Variants in GRM8 observed in about 807,000 individuals in gnomAD.
The protein encoded by GRM8 is glutamate metabotropic receptor 8.
In GRM8, 47 loss-of-function variants were observed where a neutral mutation model predicts 87.2. The ratio of observed to expected loss-of-function variants is 0.54; its 90% CI spans 0.43 to 0.69. The LOEUF is 0.69. Ranked by LOEUF, GRM8 falls within the 30% of genes least tolerant of loss-of-function variation. The pLI is 0.00. For missense variants in GRM8, 1,019 were observed against 1,139.2 expected (o/e 0.89, Z 1.52); for synonymous variants, 396 against 404.5 (o/e 0.98, Z 0.25).
intron 9 of GRM8, among the ~76,000 whole-genome samples, chr7:126,502,503 G>A (rs144605821): frequency 6.6e-6 from 1 of 152,168 alleles, no homozygotes; most frequent in East Asian, 1.9e-4. Context: ...AGAAAAATAT[G>A]AATATTTGCA....
chr7:127,121,636 G>A (rs1364568083), intron 2 of GRM8, among the ~76,000 whole-genome samples: 1 of 152,142 alleles, frequency 6.6e-6, no homozygotes, highest in Non-Finnish European at 1.5e-5. Context: ...GGATGGCTGG[G>A]AGGCCTCAGG....
chr7:126,788,420 A>AAAAAAAAAAAAAAC, intron 6 of GRM8, among the ~76,000 whole-genome samples: 7 of 81,132 alleles, frequency 8.6e-5, no homozygotes, highest in African/African-American at 3.2e-4. Flanking sequence ...AAAAAAAAAA[A>AAAAAAAAAAAAAAC]AAACCCTTTC....
intron 9 of GRM8, among the ~76,000 whole-genome samples, chr7:126,448,817 T>C (rs988737802): frequency 1.3e-5 from 2 of 151,840 alleles, no homozygotes; most frequent in Non-Finnish European, 2.9e-5. Context: ...TTCTCACTTA[T>C]AAGTGGGAGC....
chr7:126,447,233 T>G (rs937766234), intron 9 of GRM8: 6 of 151,928 alleles, frequency 3.9e-5, no homozygotes, highest in Non-Finnish European at 5.9e-5. Context: ...GGCTTTTTCT[T>G]TTTTGGTTAT....
At chr7:126,984,033 T>C (rs551320941) in intron 3 of GRM8, among the ~76,000 whole-genome samples, 1 of 110,530 alleles carries the variant, frequency 9.0e-6, no homozygotes, top group South Asian at 3.0e-4. Flanking sequence ...GAAAATATCT[T>C]CATTTTATTT....
At chr7:127,050,877 T>C (rs930117191) in intron 3 of GRM8, among the ~76,000 whole-genome samples, 1 of 152,206 alleles carries the variant, frequency 6.6e-6, no homozygotes, top group African/African-American at 2.4e-5. Context: ...AAAGTCCTTG[T>C]CCTGGTTTGC....
At chr7:126,737,112 T>C (rs1038018642) in intron 7 of GRM8, among the ~76,000 whole-genome samples, 1 of 152,088 alleles carries the variant, frequency 6.6e-6, no homozygotes, top group Non-Finnish European at 1.5e-5. Context: ...TTAGAAATTA[T>C]GGTTTAGGAA....
intron 3 of GRM8, among the ~76,000 whole-genome samples, chr7:127,054,947 T>C (rs1819839183): frequency 6.6e-6 from 1 of 152,014 alleles, no homozygotes; most frequent in Non-Finnish European, 1.5e-5. Context: ...CATAGAAACT[T>C]TGGTTGGCAA....
At chr7:126,494,243 A>C (rs1230418066) in intron 9 of GRM8, among the ~76,000 whole-genome samples, 1 of 152,066 alleles carries the variant, frequency 6.6e-6, no homozygotes, top group Non-Finnish European at 1.5e-5. Context: ...TTCTGATGCA[A>C]GTAGTGTAAA....
At chr7:126,801,273 T>A (rs1243098570) in intron 6 of GRM8, among the ~76,000 whole-genome samples, 4 of 152,172 alleles carry the variant, frequency 2.6e-5, no homozygotes, top group Non-Finnish European at 2.9e-5. Flanking sequence ...ATATGCTTCA[T>A]GCCGCAATGC....
At chr7:126,990,466 C>T (rs1432378540) in intron 3 of GRM8, among the ~76,000 whole-genome samples, 1 of 152,008 alleles carries the variant, frequency 6.6e-6, no homozygotes, top group Admixed American at 6.5e-5. Context: ...GAAAAACAAA[C>T]TCAATGGGAA....
intron 3 of GRM8, among the ~76,000 whole-genome samples, chr7:126,914,092 C>T (rs539155088): frequency 6.9e-4 from 105 of 152,248 alleles, no homozygotes; most frequent in African/African-American, 2.4e-3. Context: ...TAAAGACAAT[C>T]CACTGTGAAA....
chr7:126,545,678 T>C (rs1817068992), intron 8 of GRM8, among the ~76,000 whole-genome samples: 1 of 152,164 alleles, frequency 6.6e-6, no homozygotes, highest in South Asian at 2.1e-4. Context: ...AATAATTACA[T>C]TGAATCTATA....
chr7:126,463,077 G>A (rs1804069145), intron 9 of GRM8, among the ~76,000 whole-genome samples: 1 of 149,040 alleles, frequency 6.7e-6, no homozygotes, highest in African/African-American at 2.6e-5. Flanking sequence ...GATGATAAAT[G>A]TCATAAAAGT....
chr7:127,098,258 T>C (rs2132990279), intron 3 of GRM8, among the ~76,000 whole-genome samples: 1 of 152,356 alleles, frequency 6.6e-6, no homozygotes, highest in Non-Finnish European at 1.5e-5. Context: ...TTGTTTCCTT[T>C]CATTCATAGT....
At chr7:127,225,427 A>C (rs1224986101) in intron 2 of GRM8, among the ~76,000 whole-genome samples, 2 of 151,726 alleles carry the variant, frequency 1.3e-5, no homozygotes, top group Admixed American at 6.6e-5. Context: ...AGAACAGTAC[A>C]TTTGCACTCT....
chr7:126,575,251 G>A (rs1183761371), intron 8 of GRM8, among the ~76,000 whole-genome samples: 2 of 150,796 alleles, frequency 1.3e-5, no homozygotes, highest in African/African-American at 4.9e-5. Context: ...AGCATGCAAG[G>A]GATCTAGGAT....
intron 7 of GRM8, among the ~76,000 whole-genome samples, chr7:126,707,665 C>G (rs1288140269): frequency 1.3e-5 from 2 of 152,132 alleles, no homozygotes; most frequent in African/African-American, 4.8e-5. Flanking sequence ...AAGAAAGTCT[C>G]TTTTATAAAT....
At chr7:126,837,621 T>C (rs1447353940) in intron 6 of GRM8, among the ~76,000 whole-genome samples, 1 of 152,228 alleles carries the variant, frequency 6.6e-6, no homozygotes, top group African/African-American at 2.4e-5. Flanking sequence ...TAGAGCACTT[T>C]TTATCTAAGT....
Sources: allele counts gnomAD v4.1 joint callset (sites outside exome capture counted in the v4.1 genomes callset), GRCh38; gene constraint gnomAD v4.1.1; transcripts MANE v1.5; gene names NCBI Gene and HGNC (gene_info 2026-07-23, HGNC 2026-07-21).